Variants in RBM28 observed in about 807,000 individuals in gnomAD.
The protein encoded by RBM28 is RNA binding motif protein 28, also known as RNA-binding protein 28.
Under a neutral mutation model 98.3 loss-of-function variants are expected in RBM28, and 78 were observed. The observed-to-expected ratio is 0.79, with a 90% CI of 0.66 to 0.96. The LOEUF is 0.96. Ranked by LOEUF, RBM28 falls within the 40% of genes least tolerant of loss-of-function variation. The pLI is 0.00. For synonymous variants in RBM28, 306 were observed against 330.9 expected (o/e 0.92, Z 0.82); for missense variants, 838 against 913.0 (o/e 0.92, Z 1.06).
intron 9 of RBM28, among the ~76,000 whole-genome samples, chr7:128,331,618 T>C (rs1294315508): frequency 6.6e-6 from 1 of 152,096 alleles, no homozygotes. Flanking sequence ...CTTACTAAAG[T>C]CAGAAAAATC....
chr7:128,308,227 A>C lies in RBM28; in HGVS notation c.*2570T>G, dbSNP rs76067519. The C allele has an allele frequency of 2.3e-3, 343 of 152,368 alleles. 4 individuals are homozygous for C. The highest frequency in any genetic ancestry group is 0.01 in the Middle Eastern group (3 of 294). The allele number at this position is 152,368 out of a possible 1,614,324, so 9.4% of individuals were successfully genotyped here. On this transcript the variant is annotated 3_prime_UTR_variant, in exon 19 of 19. Coordinates refer to ENST00000223073, the MANE Select transcript of RBM28 (RefSeq NM_018077.3). Reference sequence around the variant, plus strand: ...GTACAACAGCTCTCCAAGCAAGTGAATGAGGTTTTAACATACTGTTAAGTT... The same window carrying C: ...GTACAACAGCTCTCCAAGCAAGTGACTGAGGTTTTAACATACTGTTAAGTT...
At position 128,341,216 on chromosome 7, in the gene RBM28, T is replaced by C. The variant is rs757906132; in HGVS notation, c.119-1425A>G. ...CTTTGACACAGGACACTGATCTACATAAACTGGTTAAAGCAACATAACATC... is the reference window on the plus strand; with the variant it reads ...CTTTGACACAGGACACTGATCTACACAAACTGGTTAAAGCAACATAACATC... On this transcript the variant is annotated intron_variant, in intron 1 of 18. Transcript: ENST00000223073. 6.1e-5 allele frequency: 78 copies of C among 1,280,498 alleles called. No individual in the cohort carries two copies. In the South Asian group the frequency reaches 8.3e-4, roughly 14 times the overall value. The allele number at this position is 1,280,498 out of a possible 1,614,324, so 79.3% of individuals were successfully genotyped here. A position where few individuals can be genotyped will look rare whatever the true frequency, so the allele number is the denominator to read the frequency against.
At position 128,336,038 on chromosome 7, in the gene RBM28, C is replaced by G; in HGVS notation, c.618G>C (p.Glu206Asp). The G allele has an allele frequency of 6.2e-7, 1 of 1,609,126 alleles. No individual in the cohort carries two copies. Among genetic ancestry groups the G allele is most frequent in the Admixed American group, 1.7e-5 (1 of 59,946 alleles). ...GATGTTTAGATTCATGGCTCTTTTC[C>G]TCACCTATGGAGGGAGGTAAAGAAA... ...KDTQSVSAIG[E>D]EKSHESKHQE... Residue 206 changes from glutamate to aspartate, a missense_variant, in exon 7 of 19, where the codon GAG becomes GAC. By Grantham distance (45) the Glu-to-Asp change is conservative. Transcript: ENST00000223073.
chr7:128,331,286 C>CTA (rs922261388), intron 9 of RBM28, among the ~76,000 whole-genome samples: 6 of 150,230 alleles, frequency 4.0e-5, no homozygotes, highest in African/African-American at 1.5e-4. Flanking sequence ...TTTAACTGAG[C>CTA]TATATGCTTA....
At chr7:128,340,843 C>T (rs73458924) in intron 1 of RBM28, among the ~76,000 whole-genome samples, 1,992 of 152,234 alleles carry the variant, frequency 0.013, 46 homozygotes, top group African/African-American at 0.045. Context: ...TATTATCACC[C>T]CTTCTTTCCA....
In RBM28 at chr7:128,302,728, G is replaced by A. The variant is rs916177776; in HGVS notation, c.*8069C>T. On this transcript the variant is annotated 3_prime_UTR_variant, in exon 19 of 19. Transcript: ENST00000223073. ...ATATGTAATGATTAGTTAGTCCAGGGGTAGCAGGAAAAGAAGCTGGTCAAG... is the reference window on the plus strand; with the variant it reads ...ATATGTAATGATTAGTTAGTCCAGGAGTAGCAGGAAAAGAAGCTGGTCAAG... 2 of 152,028 alleles carry A rather than the reference G, an allele frequency of 1.3e-5. No individual in the cohort carries two copies. The highest frequency in any genetic ancestry group is 2.4e-5 in the African/African-American group (1 of 41,376). 9.4% of individuals were successfully genotyped at this position (152,028 alleles called of 1,614,324 possible).
intron 18 of RBM28, 152 bp from the exon 19 acceptor site, chr7:128,311,083 A>G: frequency 1.3e-6 from 1 of 785,358 alleles, no homozygotes; most frequent in Admixed American, 2.4e-5. Context: ...TTAGAGAGAA[A>G]GGCTCAAACA....
In RBM28 at chr7:128,324,623, C is replaced by G; in HGVS notation, c.1275G>C (p.Lys425Asn). ...GCTTCTTCACCTTCGTCGTCTGAAGCTTTGCAGCCTCATCACGGGTCACCG... is the reference window on the plus strand; with the variant it reads ...GCTTCTTCACCTTCGTCGTCTGAAGGTTTGCAGCCTCATCACGGGTCACCG... ...DLAVTRDEAA[K>N]LQTTKVKKPT... Residue 425 changes from lysine to asparagine, a missense_variant, in exon 12 of 19, where the codon AAG becomes AAC. Transcript: ENST00000223073. 6.2e-7 allele frequency: 1 copy of G among 1,614,234 alleles called. No individual in the cohort carries two copies. The highest frequency in any genetic ancestry group is 8.5e-7 in the Non-Finnish European group (1 of 1,180,050).
intron 14 of RBM28, among the ~76,000 whole-genome samples, chr7:128,318,750 C>A (rs1051426296): frequency 6.6e-6 from 1 of 152,026 alleles, no homozygotes; most frequent in Admixed American, 6.6e-5. Flanking sequence ...CAACTGTTTG[C>A]GATACATACA....
chr7:128,314,621 C>G, intron 17 of RBM28, 143 bp downstream of exon 17: 1 of 1,370,940 alleles, frequency 7.3e-7, no homozygotes, highest in Non-Finnish European at 1.0e-6. Context: ...TGAAGACTCG[C>G]GTGTTAACCC....
chr7:128,338,695 TA>T, intron 4 of RBM28, 30 bp downstream of exon 4: 1 of 1,454,874 alleles, frequency 6.9e-7, no homozygotes, highest in Non-Finnish European at 9.7e-7. Context: ...TTAACTAACG[TA>T]ATCCACACCA....
chr7:128,340,380 G>A (rs761846736), intron 1 of RBM28, among the ~76,000 whole-genome samples: 1 of 152,098 alleles, frequency 6.6e-6, no homozygotes, highest in African/African-American at 2.4e-5. Flanking sequence ...AGAGAGACCT[G>A]AGCAAGCACA....
At chr7:128,325,333 T>C (rs1353133612) in intron 11 of RBM28, among the ~76,000 whole-genome samples, 1 of 152,224 alleles carries the variant, frequency 6.6e-6, no homozygotes, top group African/African-American at 2.4e-5. Flanking sequence ...ATGTCTAGTA[T>C]TGTAAAGTAA....
chr7:128,303,900 A>T lies in RBM28; in HGVS notation c.*6897T>A, dbSNP rs1795814806. ...AAGGGCCTACAGCAAAGCTCCCATGACTGGAAAGTATTTAAGCATAAGGAA... is the reference window on the plus strand; with the variant it reads ...AAGGGCCTACAGCAAAGCTCCCATGTCTGGAAAGTATTTAAGCATAAGGAA... On this transcript the variant is annotated 3_prime_UTR_variant, in exon 19 of 19. Transcript: ENST00000223073. 2 of 152,190 alleles carry T rather than the reference A, an allele frequency of 1.3e-5. No individual in the cohort carries two copies. The highest frequency in any genetic ancestry group is 6.5e-5 in the Admixed American group (1 of 15,286). The allele number at this position is 152,190 out of a possible 1,614,324, so 9.4% of individuals were successfully genotyped here.
At chr7:128,325,154 T>C (rs1322558787) in intron 11 of RBM28, among the ~76,000 whole-genome samples, 2 of 152,204 alleles carry the variant, frequency 1.3e-5, no homozygotes, top group Non-Finnish European at 1.5e-5. Context: ...CCTACGACGT[T>C]TCAGCTCAGC....
chr7:128,327,417 T>G (rs1164674242), intron 10 of RBM28, among the ~76,000 whole-genome samples: 1 of 152,168 alleles, frequency 6.6e-6, no homozygotes, highest in Non-Finnish European at 1.5e-5. Flanking sequence ...TGGCTCATAC[T>G]CTAGAATCTC....
Position 128,338,257 on chromosome 7 carries a change from C to A in RBM28, c.534G>T (p.Glu178Asp). 6.2e-7 allele frequency: 1 copy of A among 1,613,550 alleles called. No homozygotes were observed. The change falls in exon 5 of 19, where the codon GAG becomes GAT. Residue 178 changes from glutamate (E) to aspartate (D), a missense_variant. Glu to Asp is a conservative substitution (Grantham distance 45). Coordinates refer to ENST00000223073, the MANE Select transcript of RBM28 (RefSeq NM_018077.3). ...TGGGTATAGAAAGCTTACCTTTTAT[C>A]TCTTTCATGTTCATGCCTTTGAGAG... ...GKALKGMNMK[E>D]IKGRTVAVDW...
intron 1 of RBM28, among the ~76,000 whole-genome samples, chr7:128,342,904 C>G (rs1796758267): frequency 6.6e-6 from 1 of 152,176 alleles, no homozygotes; most frequent in South Asian, 2.1e-4. Flanking sequence ...CCGTCCTTCT[C>G]TGGCCACCCT....
rs868400747 is a variant in RBM28, at chr7:128,324,648, G to A, written c.1250C>T (p.Ala417Val). The A allele has an allele frequency of 9.9e-6, 16 of 1,614,124 alleles. No individual in the cohort carries two copies. The highest frequency in any genetic ancestry group is 8.9e-5 in the East Asian group (4 of 44,882). The part of the protein sequence containing the change: ...LDGRQLKVDL[A>V]VTRDEAAKLQ... ...CTTTGCAGCCTCATCACGGGTCACC[G>A]CCAAGTCAACCTTGAGCTGCCGGCC... The change falls in exon 12 of 19, where the codon GCG becomes GTG. Residue 417 changes from alanine (A) to valine (V), a missense_variant. Coordinates refer to ENST00000223073, the MANE Select transcript of RBM28 (RefSeq NM_018077.3).
Sources: gnomAD v4.1 joint callset for allele counts (sites outside exome capture counted in the v4.1 genomes callset) on GRCh38, gnomAD v4.1.1 for gene constraint, MANE v1.5 for transcripts, NCBI Gene and HGNC (gene_info 2026-07-23, HGNC 2026-07-21) for gene names.